The following CCDC152 variants were observed in gnomAD, a reference collection of about 807,000 sequenced individuals.
CCDC152 encodes the protein coiled-coil domain-containing protein 152.
A neutral mutation model predicts 38.1 loss-of-function variants in CCDC152; 37 were observed. The ratio of observed to expected loss-of-function variants is 0.97; its 90% CI spans 0.75 to 1.28. CCDC152 has a LOEUF of 1.28. Ranked by LOEUF, CCDC152 falls within the 50% of genes most tolerant of loss-of-function variation. CCDC152 has a pLI of 0.00. For synonymous variants in CCDC152, 83 were observed against 87.1 expected, an observed-to-expected ratio of 0.95 and a Z score of 0.26; for missense variants, 259 against 292.1, an observed-to-expected ratio of 0.89 and a Z score of 0.83.
At position 42,801,264 on chromosome 5, in the gene CCDC152, G is replaced by A. The variant is rs773995068; in HGVS notation, c.*1483G>A. 19 of 1,613,854 alleles carry A rather than the reference G, an allele frequency of 1.2e-5. No homozygotes were observed. The highest frequency in any genetic ancestry group is 8.5e-7 in the Non-Finnish European group (1 of 1,179,956). On this transcript the variant is annotated 3_prime_UTR_variant, in exon 9 of 9. Coordinates refer to ENST00000361970, the MANE Select transcript of CCDC152 (RefSeq NM_001134848.2). ...ATGCTCATGATGGTAATGAGGCGAT[G>A]GAGTTTCAACTGTTTTATCCACAGT...
chr5:42,801,150 G>A lies in CCDC152; in HGVS notation c.*1369G>A. On this transcript the variant is annotated 3_prime_UTR_variant, in exon 9 of 9. Transcript: ENST00000361970. ...ATGGTGGTGATGAAGGCCTGGAGGA[G>A]CAGGATGAGTAGGAGCATTTGGTGC... 3 of 1,614,040 alleles carry A rather than the reference G, an allele frequency of 1.9e-6. No homozygotes were observed. In the East Asian group the frequency reaches 6.7e-5, roughly 36 times the overall value.
At chr5:42,796,294 G>T (rs567260613) in intron 6 of CCDC152, among the ~76,000 whole-genome samples, 18 of 151,174 alleles carry the variant, frequency 1.2e-4, no homozygotes, top group Non-Finnish European at 2.7e-4. Flanking sequence ...TTCATTGTGG[G>T]GCTTGTAGAT....
chr5:42,783,512 GA>G lies in CCDC152; in HGVS notation c.370del (p.Ile124SerfsTer10). The stretch of plus-strand genomic sequence containing the variant: ...ATATTGCCAAACTTGTAAGTGAAAT[GA>G]AAATCAAAGAGGAGGGATATAAGAA... Reference protein sequence around the residue: ...NNIAKLVSEMKIKEEGYKKEI... With the variant: ...NNIAKLVSEMXIKEEGYKKEI... On this transcript the variant is annotated frameshift_variant, in exon 6 of 9. Coordinates refer to ENST00000361970, the MANE Select transcript of CCDC152 (RefSeq NM_001134848.2). LOFTEE classifies it high-confidence loss of function. The G allele has an allele frequency of 7.2e-7, 1 of 1,380,546 alleles. No individual in the cohort carries two copies. The highest frequency in any genetic ancestry group is 2.6e-5 in the Admixed American group (1 of 38,674). The allele number at this position is 1,380,546 out of a possible 1,614,324, so 85.5% of individuals were successfully genotyped here. A position where few individuals can be genotyped will look rare whatever the true frequency, so the allele number is the denominator to read the frequency against.
intron 3 of CCDC152, among the ~76,000 whole-genome samples, chr5:42,766,035 G>A (rs1278952963): frequency 6.6e-6 from 1 of 152,022 alleles, no homozygotes; most frequent in Non-Finnish European, 1.5e-5. Context: ...TTAATAACTA[G>A]AATATGTAAG....
Position 42,799,776 on chromosome 5 carries a change from T to A in CCDC152, c.760T>A (p.Phe254Ile), listed in dbSNP as rs1429862595. 6.5e-7 allele frequency: 1 copy of A among 1,548,244 alleles called. No individual in the cohort carries two copies. Among genetic ancestry groups the A allele is most frequent in the Non-Finnish European group, 8.7e-7 (1 of 1,146,158 alleles). ...AGATTCTCACCTTAAGCGTAGACGG[T>A]TTTGAGCTTAGCAGTAAATTCATTA... Reference protein sequence around the residue: ...GKDSHLKRRRF With the variant: ...GKDSHLKRRRI Residue 254 changes from phenylalanine to isoleucine, a missense_variant, in exon 9 of 9, where the codon TTT becomes ATT. Physicochemically the swap from Phe to Ile is conservative, Grantham distance 21. Transcript: ENST00000361970.
intron 3 of CCDC152, among the ~76,000 whole-genome samples, chr5:42,764,978 C>A (rs1467363490): frequency 3.9e-5 from 6 of 152,092 alleles, no homozygotes; most frequent in African/African-American, 1.4e-4. Flanking sequence ...AGGAAGAAGT[C>A]AAATTATTCT....
At position 42,801,385 on chromosome 5, in the gene CCDC152, G is replaced by T; in HGVS notation, c.*1604G>T. 1 of 1,316,564 alleles carries T rather than the reference G, an allele frequency of 7.6e-7. No individual in the cohort carries two copies. The highest frequency in any genetic ancestry group is 1.0e-6 in the Non-Finnish European group (1 of 960,234). The allele number at this position is 1,316,564 out of a possible 1,614,324, so 81.6% of individuals were successfully genotyped here. A position where few individuals can be genotyped will look rare whatever the true frequency, so the allele number is the denominator to read the frequency against. ...ACAAGCTTATAGAGATAGGAATAAT[G>T]CGTGAAAAATGATTTGTAGAGCTAA... On this transcript the variant is annotated 3_prime_UTR_variant, in exon 9 of 9. Coordinates refer to ENST00000361970, the MANE Select transcript of CCDC152 (RefSeq NM_001134848.2).
chr5:42,762,403 C>G, intron 2 of CCDC152, 40 bp from the exon 3 acceptor site: 1 of 1,037,156 alleles, frequency 9.6e-7, no homozygotes. Flanking sequence ...AAACTAGCAG[C>G]ATTGATTTGT....
intron 7 of CCDC152, among the ~76,000 whole-genome samples, chr5:42,797,468 A>G (rs146840213): frequency 1.3e-5 from 2 of 152,332 alleles, no homozygotes; most frequent in Non-Finnish European, 2.9e-5. Flanking sequence ...TCTTTAGTGT[A>G]TCTAATTGGC....
rs1222860471 is a variant in CCDC152, at chr5:42,799,981, G to GT, written c.*203dup. On this transcript the variant is annotated 3_prime_UTR_variant, in exon 9 of 9. Coordinates refer to ENST00000361970, the MANE Select transcript of CCDC152 (RefSeq NM_001134848.2). ...TAGTATTAACCATAAAGGAGGTCAGGTTTATAGGGTTTGGTTTACCTATTA... is the reference window on the plus strand; with the variant it reads ...TAGTATTAACCATAAAGGAGGTCAGGTTTTATAGGGTTTGGTTTACCTATTA... 1.2e-5 allele frequency: 7 copies of GT among 561,742 alleles called. No homozygotes were observed. The Admixed American group carries it at 1.5e-4, about 12-fold the overall frequency. 34.8% of individuals were successfully genotyped at this position (561,742 alleles called of 1,614,324 possible). A position where few individuals can be genotyped will look rare whatever the true frequency, so the allele number is the denominator to read the frequency against.
At chr5:42,767,040 A>G (rs1759633977) in intron 3 of CCDC152, among the ~76,000 whole-genome samples, 1 of 152,104 alleles carries the variant, frequency 6.6e-6, no homozygotes. Flanking sequence ...ATATACACCT[A>G]CTATGTAACC....
At chr5:42,775,678 T>G (rs934481263) in intron 4 of CCDC152, among the ~76,000 whole-genome samples, 1 of 152,116 alleles carries the variant, frequency 6.6e-6, no homozygotes, top group Non-Finnish European at 1.5e-5. Context: ...TTTTTCTTAT[T>G]CTCAATTGAT....
At chr5:42,787,807 C>G (rs926352819) in intron 6 of CCDC152, among the ~76,000 whole-genome samples, 88 of 152,236 alleles carry the variant, frequency 5.8e-4, no homozygotes, top group African/African-American at 1.9e-3. Context: ...CATGGTAGAT[C>G]TTTCGTCACC....
intron 6 of CCDC152, among the ~76,000 whole-genome samples, chr5:42,790,579 A>T (rs529715362): frequency 6.6e-6 from 1 of 152,300 alleles, no homozygotes; most frequent in East Asian, 1.9e-4. Flanking sequence ...TGGGGAAAAC[A>T]TTTGTGAGGG....
At chr5:42,766,409 G>C (rs1265714775) in intron 3 of CCDC152, among the ~76,000 whole-genome samples, 1 of 152,154 alleles carries the variant, frequency 6.6e-6, no homozygotes, top group African/African-American at 2.4e-5. Context: ...CAATCCCACT[G>C]CTGGGTATAT....
chr5:42,768,007 G>A (rs1319351039), intron 3 of CCDC152, among the ~76,000 whole-genome samples: 1 of 152,174 alleles, frequency 6.6e-6, no homozygotes, highest in Non-Finnish European at 1.5e-5. Flanking sequence ...GGGGAACTTT[G>A]AGTAGATGGT....
At chr5:42,772,683 T>A (rs1055483352) in intron 4 of CCDC152, among the ~76,000 whole-genome samples, 4 of 150,238 alleles carry the variant, frequency 2.7e-5, no homozygotes, top group Admixed American at 2.6e-4. Flanking sequence ...TTCTTAAAAA[T>A]GAATATTGTA....
At chr5:42,760,733 T>A (rs941320211) in intron 2 of CCDC152, among the ~76,000 whole-genome samples, 1 of 152,226 alleles carries the variant, frequency 6.6e-6, no homozygotes, top group Non-Finnish European at 1.5e-5. Context: ...TGAAAGAATT[T>A]TTATGATCAT....
chr5:42,770,955 G>T (rs560422993), intron 4 of CCDC152, among the ~76,000 whole-genome samples: 1 of 152,024 alleles, frequency 6.6e-6, no homozygotes, highest in Non-Finnish European at 1.5e-5. Flanking sequence ...AAATGTGATC[G>T]ATTTTTATAT....
Sources: allele counts gnomAD v4.1 joint callset (sites outside exome capture counted in the v4.1 genomes callset), GRCh38; gene constraint gnomAD v4.1.1; transcripts MANE v1.5; gene names NCBI Gene and HGNC (gene_info 2026-07-23, HGNC 2026-07-21).